RBFOX3: variants seen among roughly 807,000 people sequenced by gnomAD.
RBFOX3 encodes RNA binding protein fox-1 homolog 3.
Under a neutral mutation model 48.7 loss-of-function variants are expected in RBFOX3, and 17 were observed. The ratio of observed to expected loss-of-function variants is 0.35; its 90% CI spans 0.24 to 0.52. The LOEUF is 0.52. Among genes scored for constraint, RBFOX3 ranks in the 20% least tolerant of loss-of-function variants. The pLI is 0.94. For synonymous variants in RBFOX3, 212 were observed against 209.5 expected (o/e 1.01, Z -0.10); for missense variants, 382 against 497.5 (o/e 0.77, Z 2.21).
At chr17:79,092,312 T>C (rs1430866316) in intron 14 of RBFOX3, 2 of 985,344 alleles carry the variant, frequency 2.0e-6, no homozygotes, top group African/African-American at 1.7e-5. Context: ...GTACCTGCAA[T>C]GGCTTGGGTA....
chr17:79,429,778 T>C (rs1555727477), intron 2 of RBFOX3, among the ~76,000 whole-genome samples: 1 of 152,194 alleles, frequency 6.6e-6, no homozygotes, highest in African/African-American at 2.4e-5. Context: ...ATCCAGGATC[T>C]GATGCCAGCT....
At chr17:79,349,354 G>A (rs551371990) in intron 2 of RBFOX3, among the ~76,000 whole-genome samples, 46 of 151,824 alleles carry the variant, frequency 3.0e-4, no homozygotes, top group African/African-American at 1.1e-3. Flanking sequence ...CTGGGTCTGG[G>A]GTCACTCTCA....
At chr17:79,464,443 C>G (rs879975212) in intron 2 of RBFOX3, among the ~76,000 whole-genome samples, 1 of 152,226 alleles carries the variant, frequency 6.6e-6, no homozygotes, top group African/African-American at 2.4e-5. Context: ...AGAGGTGTCA[C>G]GTGCACCTCG....
At chr17:79,624,018 G>T in the RBFOX3 span, among the ~76,000 whole-genome samples, 1 of 152,076 alleles carries the variant, frequency 6.6e-6, no homozygotes, top group Non-Finnish European at 1.5e-5. Flanking sequence ...GAAACAGACC[G>T]CACCTTTGAC....
intron 3 of RBFOX3, among the ~76,000 whole-genome samples, chr17:79,267,241 T>C (rs2066864661): frequency 1.3e-5 from 2 of 152,132 alleles, no homozygotes; most frequent in East Asian, 3.9e-4. Context: ...TCAGCCTCGG[T>C]TGGGGAGTCA....
chr17:79,296,227 C>T (rs2145126846), intron 3 of RBFOX3, among the ~76,000 whole-genome samples: 1 of 152,108 alleles, frequency 6.6e-6, no homozygotes, highest in East Asian at 1.9e-4. Context: ...TAAAAAATGG[C>T]CTGCCATCAG....
intron 3 of RBFOX3, among the ~76,000 whole-genome samples, chr17:79,305,559 C>T (rs1028081979): frequency 6.6e-6 from 1 of 152,144 alleles, no homozygotes; most frequent in African/African-American, 2.4e-5. Context: ...CTCGGCCGCC[C>T]CCTCCAGTGA....
At chr17:79,452,264 G>A (rs1216226747) in intron 2 of RBFOX3, among the ~76,000 whole-genome samples, 3 of 152,160 alleles carry the variant, frequency 2.0e-5, no homozygotes, top group African/African-American at 7.2e-5. Context: ...AAGACTGGGA[G>A]CTCAGATGGG....
At chr17:79,234,204 G>T (rs2061368524) in intron 4 of RBFOX3, 1 of 152,244 alleles carries the variant, frequency 6.6e-6, no homozygotes, top group Non-Finnish European at 1.5e-5. Flanking sequence ...GGGACCCCCT[G>T]GGCTCTGTCT....
chr17:79,436,344 T>C (rs1289081820), intron 2 of RBFOX3, among the ~76,000 whole-genome samples: 1 of 152,238 alleles, frequency 6.6e-6, no homozygotes, highest in East Asian at 1.9e-4. Flanking sequence ...TGCACATACT[T>C]GGGTGCAGCT....
At chr17:79,267,296 C>T (rs1476356818) in intron 3 of RBFOX3, among the ~76,000 whole-genome samples, 1 of 152,168 alleles carries the variant, frequency 6.6e-6, no homozygotes, top group Non-Finnish European at 1.5e-5. Flanking sequence ...TCAGTGCCTC[C>T]CCTTCAAGCT....
chr17:79,650,095 T>C, the RBFOX3 span, among the ~76,000 whole-genome samples: 1 of 152,094 alleles, frequency 6.6e-6, no homozygotes, highest in Non-Finnish European at 1.5e-5. Flanking sequence ...ATCCAAACCA[T>C]ATCAGTGCCT....
rs370256927 is a variant in RBFOX3 at position 79,219,395 on chromosome 17, C to A, written c.-34+16371G>T. On this transcript the variant is annotated intron_variant, in intron 4 of 14. Coordinates refer to ENST00000693108, the MANE Select transcript of RBFOX3 (RefSeq NM_001350451.2). ...GCCTTCTCCAAAGTGTGTGCATGTG[C>A]GTGCGCGTGCACACACACACAAAGA... 2.6e-5 allele frequency among the ~76,000 whole-genome samples: 4 copies of A among 152,210 alleles called. No homozygotes were observed. In the East Asian group the frequency reaches 5.8e-4, roughly 22 times the overall value.
At chr17:79,613,060 T>C (rs1387742983), upstream of RBFOX3, among the ~76,000 whole-genome samples, 7 of 152,204 alleles carry the variant, frequency 4.6e-5, no homozygotes, top group Non-Finnish European at 1.0e-4. Flanking sequence ...CATGTGCCTG[T>C]GAAGTGGGGA....
rs535989961 is a variant in RBFOX3, at chr17:79,093,244, C to G, written c.1077+1207G>C. Among the ~76,000 whole-genome samples the G allele has an allele frequency of 1.0e-3, 157 of 152,312 alleles. 1 individual carries two copies. The highest frequency in any genetic ancestry group is 1.9e-3 in the Non-Finnish European group (127 of 68,022). ...AGCTCTCCCATGTCCTGGGCTGCCT[C>G]CAGTCAGGGAAGGCTCTGAAGGGGC... is the stretch of plus-strand genomic sequence containing the variant. On this transcript the variant is annotated intron_variant, in intron 14 of 14. Transcript: ENST00000693108.
chr17:79,551,513 G>A (rs1288696742), intron 1 of RBFOX3, among the ~76,000 whole-genome samples: 1 of 122,950 alleles, frequency 8.1e-6, no homozygotes, highest in Non-Finnish European at 1.9e-5. Flanking sequence ...ACGGGTAGGT[G>A]GATGGGTGGA....
rs571871918 is a variant in RBFOX3, at chr17:79,390,969, C to T, written c.-174-83145G>A. On this transcript the variant is annotated intron_variant, in intron 2 of 14. Transcript: ENST00000693108. The surrounding 1 kb of genome is among the most constrained non-coding windows in gnomAD (Gnocchi z 4.2). ...GCTCTGCTTCTCCCTTCTCTCTTCCCGCTTTCTTCTCCACAGCCCCCTGAT... is the reference window on the plus strand; with the variant it reads ...GCTCTGCTTCTCCCTTCTCTCTTCCTGCTTTCTTCTCCACAGCCCCCTGAT... 2.6e-5 allele frequency among the ~76,000 whole-genome samples: 4 copies of T among 152,290 alleles called. No individual in the cohort carries two copies. The highest frequency in any genetic ancestry group is 3.9e-4 in the East Asian group (2 of 5,168).
the RBFOX3 span, among the ~76,000 whole-genome samples, chr17:79,628,433 A>G: frequency 6.6e-6 from 1 of 152,132 alleles, no homozygotes; most frequent in African/African-American, 2.4e-5. Context: ...CATAGATGCA[A>G]TCCCTGCTTC....
intron 3 of RBFOX3, among the ~76,000 whole-genome samples, chr17:79,250,378 G>A (rs567702402): frequency 1.8e-4 from 28 of 152,308 alleles, no homozygotes; most frequent in South Asian, 6.2e-4. Flanking sequence ...TTGCTGAGAC[G>A]GAACACGATA....
Sources: allele counts gnomAD v4.1 joint callset (sites outside exome capture counted in the v4.1 genomes callset), GRCh38; gene constraint gnomAD v4.1.1; non-coding constraint Gnocchi (gnomAD v3.1); transcripts MANE v1.5; gene names NCBI Gene and HGNC (gene_info 2026-07-23, HGNC 2026-07-21).